MOB1B: variants seen among roughly 807,000 people sequenced by gnomAD.
MOB1B encodes MOB1 Mps One Binder homolog B.
A neutral mutation model predicts 24.4 loss-of-function variants in MOB1B; 19 were observed. The ratio of observed to expected loss-of-function variants is 0.78; its 90% CI spans 0.54 to 1.14. The LOEUF (loss-of-function observed/expected upper bound fraction) is 1.14. Ranked by LOEUF, MOB1B falls within the 50% of genes most tolerant of loss-of-function variation. The probability of loss-of-function intolerance (pLI) is 0.00; values close to 1 mark genes in which losing one functional copy is unlikely to be tolerated. For synonymous variants in MOB1B, 76 were observed against 82.1 expected, an observed-to-expected ratio of 0.93 and a Z score of 0.40; for missense variants, 243 against 259.6, an observed-to-expected ratio of 0.94 and a Z score of 0.44.
At chr4:70,914,407 T>G (rs1471812436) in intron 1 of MOB1B, among the ~76,000 whole-genome samples, 35 of 152,128 alleles carry the variant, frequency 2.3e-4, no homozygotes. Flanking sequence ...CAACAAAATA[T>G]TTTTTTATCT....
In MOB1B at chr4:70,929,507, G is replaced by T. The variant is rs986319904; in HGVS notation, c.14+26957G>T. 4.6e-5 allele frequency among the ~76,000 whole-genome samples: 7 copies of T among 151,920 alleles called. No homozygotes were observed. The East Asian group carries it at 1.2e-3, about 25-fold the overall frequency. ...TTATTATTTTATTTTTGGAGATAAG[G>T]TCTTGCTCTGTGGCTGAGTCTGTAG... On this transcript the variant is annotated intron_variant, in intron 1 of 5. Transcript: ENST00000309395.
intron 1 of MOB1B, among the ~76,000 whole-genome samples, chr4:70,940,163 C>T (rs1193094431): frequency 1.3e-5 from 2 of 152,056 alleles, no homozygotes; most frequent in South Asian, 2.1e-4. Context: ...GTTAGGGTCT[C>T]GGGGGTTTTT....
rs1578398525 is a variant in MOB1B, at chr4:70,969,953, C to T, written c.204C>T (p.Ile68=). The T allele has an allele frequency of 6.2e-7, 1 of 1,604,498 alleles. No individual in the cohort carries two copies. Among genetic ancestry groups the T allele is most frequent in the Non-Finnish European group, 8.5e-7 (1 of 1,174,100 alleles). Residue 68 remains isoleucine, a synonymous_variant, in exon 3 of 6, where the codon ATC becomes ATT. Coordinates refer to ENST00000309395, the MANE Select transcript of MOB1B (RefSeq NM_173468.4). ...AVNTVDFFNQ[I]NMLYGTITDF... is the part of the protein sequence containing the mutation. ...CAGCTGTGGATTTCTTCAATCAGATCAACATGCTTTATGGAACTATCACAG... is the reference window on the plus strand; with the variant it reads ...CAGCTGTGGATTTCTTCAATCAGATTAACATGCTTTATGGAACTATCACAG...
intron 1 of MOB1B, among the ~76,000 whole-genome samples, chr4:70,931,409 GTC>G (rs1736885014): frequency 6.6e-6 from 1 of 152,108 alleles, no homozygotes; most frequent in South Asian, 2.1e-4. Flanking sequence ...GTACTTTTGT[GTC>G]TCTTTTTCTT....
chr4:70,946,084 CT>C (rs11331194), intron 1 of MOB1B, among the ~76,000 whole-genome samples: 53,404 of 85,480 alleles, frequency 0.62, 13,546 homozygotes, highest in Middle Eastern at 0.74. Context: ...TTTGTTTGTT[CT>C]TTTTTTTTTT....
chr4:70,936,196 G>C (rs529604745), intron 1 of MOB1B, among the ~76,000 whole-genome samples: 1 of 152,100 alleles, frequency 6.6e-6, no homozygotes, highest in Non-Finnish European at 1.5e-5. Flanking sequence ...ATTTTGCCAT[G>C]TTGGCCAGGC....
At chr4:70,981,901 G>A (rs1256846653) in intron 5 of MOB1B, 79 bp from the exon 6 acceptor site, 1 of 947,682 alleles carries the variant, frequency 1.1e-6, no homozygotes, top group African/African-American at 1.6e-5. Context: ...TCCAACAAAT[G>A]TTCATGGTAA....
chr4:70,967,943 C>T (rs1738602891), intron 2 of MOB1B, among the ~76,000 whole-genome samples: 2 of 152,136 alleles, frequency 1.3e-5, no homozygotes, highest in South Asian at 4.1e-4. Context: ...GATCCTCCCA[C>T]CTCAGCCTCC....
intron 1 of MOB1B, among the ~76,000 whole-genome samples, chr4:70,950,527 T>G (rs991848379): frequency 1.3e-5 from 2 of 151,682 alleles, no homozygotes; most frequent in African/African-American, 4.8e-5. Flanking sequence ...TTGAGCAGAG[T>G]ATGTAAGTAC....
intron 3 of MOB1B, among the ~76,000 whole-genome samples, chr4:70,974,313 A>G (rs1029424493): frequency 4.3e-4 from 66 of 152,254 alleles, no homozygotes; most frequent in African/African-American, 1.6e-3. Context: ...CATGTTGGCC[A>G]GGCTGGTCTC....
intron 2 of MOB1B, among the ~76,000 whole-genome samples, chr4:70,962,315 A>G (rs895669151): frequency 2.0e-5 from 3 of 152,236 alleles, no homozygotes; most frequent in Non-Finnish European, 4.4e-5. Context: ...TTGATGTCTA[A>G]ATTGATCTCA....
intron 5 of MOB1B, 70 bp downstream of exon 5, chr4:70,979,361 G>A: frequency 8.5e-7 from 1 of 1,178,590 alleles, no homozygotes; most frequent in Non-Finnish European, 1.2e-6. Context: ...GGTAAATACT[G>A]TATTCACACT....
chr4:70,907,656 C>T (rs1735799983), intron 1 of MOB1B, among the ~76,000 whole-genome samples: 1 of 152,008 alleles, frequency 6.6e-6, no homozygotes. Context: ...TGGCAGAACC[C>T]CCATCTCTAC....
chr4:70,905,071 G>T (rs1390844711), intron 1 of MOB1B, among the ~76,000 whole-genome samples: 1 of 152,138 alleles, frequency 6.6e-6, no homozygotes, highest in Non-Finnish European at 1.5e-5. Flanking sequence ...TAGCCCATGT[G>T]CTTGACAATC....
At chr4:70,964,993 G>A (rs986493196) in intron 2 of MOB1B, among the ~76,000 whole-genome samples, 1 of 150,774 alleles carries the variant, frequency 6.6e-6, no homozygotes, top group African/African-American at 2.4e-5. Flanking sequence ...AAATAGAAAA[G>A]AAACATACAA....
At chr4:70,980,505 CTG>C (rs1428038167) in intron 5 of MOB1B, among the ~76,000 whole-genome samples, 1 of 152,164 alleles carries the variant, frequency 6.6e-6, no homozygotes, top group Non-Finnish European at 1.5e-5. Context: ...TCTCAGGACA[CTG>C]TGAGCTTCTT....
At chr4:70,960,506 CTTA>C (rs1348058147) in intron 2 of MOB1B, among the ~76,000 whole-genome samples, 3 of 152,248 alleles carry the variant, frequency 2.0e-5, no homozygotes, top group South Asian at 2.1e-4. Context: ...TTAATGGCCT[CTTA>C]TTATAATTTG....
At chr4:70,907,180 C>A (rs1363674125) in intron 1 of MOB1B, among the ~76,000 whole-genome samples, 1 of 152,174 alleles carries the variant, frequency 6.6e-6, no homozygotes, top group Non-Finnish European at 1.5e-5. Context: ...GGCCTACTTA[C>A]TTCTTTTTGC....
intron 2 of MOB1B, 84 bp from the exon 3 acceptor site, chr4:70,969,847 A>G (rs1738684449): frequency 1.2e-5 from 8 of 681,184 alleles, no homozygotes; most frequent in African/African-American, 3.6e-5. Context: ...GAACGCCAAT[A>G]AGCCTATTCT....
Sources: gnomAD v4.1 joint callset for allele counts (sites outside exome capture counted in the v4.1 genomes callset) on GRCh38, gnomAD v4.1.1 for gene constraint, MANE v1.5 for transcripts, NCBI Gene and HGNC (gene_info 2026-07-23, HGNC 2026-07-21) for gene names.